HHLA1: variants seen among roughly 807,000 people sequenced by gnomAD.
HHLA1 encodes the protein HERV-H LTR-associating protein 1.
In HHLA1, 72 loss-of-function variants were observed where a neutral mutation model predicts 69.9. The ratio of observed to expected loss-of-function variants is 1.03; its 90% CI spans 0.85 to 1.25. HHLA1 has a LOEUF of 1.25. Among genes scored for constraint, HHLA1 ranks in the 50% most tolerant of loss-of-function variants. The pLI is 0.00. For missense variants in HHLA1, 685 were observed against 642.2 expected (o/e 1.07, Z -0.72); for synonymous variants, 252 against 233.2 (o/e 1.08, Z -0.73).
At chr8:132,065,073 T>G (rs555246109) in intron 16 of HHLA1, among the ~76,000 whole-genome samples, 3 of 152,054 alleles carry the variant, frequency 2.0e-5, no homozygotes, top group African/African-American at 7.3e-5. Context: ...GTAGATGGCA[T>G]GATAATGGCC....
chr8:132,069,925 A>G (rs4255121), intron 15 of HHLA1: 64,056 of 152,930 alleles, frequency 0.42, 15,375 homozygotes, highest in African/African-American at 0.64. Context: ...GTATTGTCGT[A>G]AAAGTTTTCT....
chr8:132,090,860 G>T (rs1009429124), intron 7 of HHLA1, among the ~76,000 whole-genome samples: 2 of 149,358 alleles, frequency 1.3e-5, no homozygotes, highest in Non-Finnish European at 3.0e-5. Flanking sequence ...CCAGGTTCAC[G>T]CCATTCTCCT....
At chr8:132,073,119 A>G (rs1262354577) in intron 14 of HHLA1, among the ~76,000 whole-genome samples, 1 of 152,152 alleles carries the variant, frequency 6.6e-6, no homozygotes, top group Non-Finnish European at 1.5e-5. Context: ...TTTCAAAATT[A>G]TAATTTAGCA....
At chr8:132,098,474 T>C (rs889562839) in intron 5 of HHLA1, among the ~76,000 whole-genome samples, 5 of 152,062 alleles carry the variant, frequency 3.3e-5, no homozygotes, top group Admixed American at 2.6e-4. Context: ...TTTGTTTTTG[T>C]TTTTTGAGGC....
chr8:132,078,194 A>G (rs963498964), intron 11 of HHLA1, among the ~76,000 whole-genome samples: 3 of 151,858 alleles, frequency 2.0e-5, no homozygotes, highest in African/African-American at 7.3e-5. Context: ...ACACACACAC[A>G]CACACACACA....
At chr8:132,083,152 T>C (rs1457581210) in intron 10 of HHLA1, among the ~76,000 whole-genome samples, 4 of 151,836 alleles carry the variant, frequency 2.6e-5, no homozygotes, top group African/African-American at 7.3e-5. Flanking sequence ...CAATGAGATA[T>C]AGCTGTAGTC....
chr8:132,066,116 C>G, intron 15 of HHLA1, 148 bp from the exon 16 acceptor site: 1 of 367,254 alleles, frequency 2.7e-6, no homozygotes, highest in Admixed American at 3.8e-5. Context: ...TAAAGGGTGT[C>G]AGAGGAGAGA....
At chr8:132,080,882 T>A (rs1364621681) in intron 10 of HHLA1, 6 of 151,934 alleles carry the variant, frequency 3.9e-5, no homozygotes, top group Non-Finnish European at 7.4e-5. Context: ...AGGGGTGATA[T>A]TGTGGGGATG....
chr8:132,062,414 G>T lies in HHLA1; in HGVS notation c.*1581C>A, dbSNP rs75455660. 6.6e-6 allele frequency: 1 copy of T among 152,202 alleles called. No individual in the cohort carries two copies. The highest frequency in any genetic ancestry group is 1.5e-5 in the Non-Finnish European group (1 of 68,060). The allele number at this position is 152,202 out of a possible 1,614,324, so 9.4% of individuals were successfully genotyped here. On this transcript the variant is annotated 3_prime_UTR_variant, in exon 17 of 17. Transcript: ENST00000414222. ...CACAGGAGTGCCAGGGAACTCAGGG[G>T]TCTTCCAATGGCAGAAACTGTTTTC...
rs190346135 is a variant in HHLA1, at chr8:132,105,419, G to A, written c.-21-133C>T. 8.7e-5 allele frequency: 56 copies of A among 644,240 alleles called. No individual in the cohort carries two copies. The East Asian group carries it at 1.1e-3, about 13-fold the overall frequency. The allele number at this position is 644,240 out of a possible 1,614,324, so 39.9% of individuals were successfully genotyped here. A position where few individuals can be genotyped will look rare whatever the true frequency, so the allele number is the denominator to read the frequency against. On this transcript the variant is annotated intron_variant, in intron 1 of 16. Coordinates refer to ENST00000414222, the MANE Select transcript of HHLA1 (RefSeq NM_001145095.3). ...GTACTAGGTTAGGAGAGGTTAGGAA[G>A]CTAAGGTAACAAATTAACTCCACAA... is the stretch of plus-strand genomic sequence containing the variant.
intron 10 of HHLA1, among the ~76,000 whole-genome samples, chr8:132,085,896 G>A (rs983113950): frequency 4.0e-5 from 6 of 151,584 alleles, no homozygotes; most frequent in Non-Finnish European, 5.9e-5. Flanking sequence ...GGTGGGGCAG[G>A]GCATATTCAC....
chr8:132,090,959 C>T (rs1823937582), intron 7 of HHLA1, among the ~76,000 whole-genome samples: 1 of 152,054 alleles, frequency 6.6e-6, no homozygotes, highest in African/African-American at 2.4e-5. Context: ...CAGGGTTTCA[C>T]CGTGTTAGCC....
At position 132,062,252 on chromosome 8, in the gene HHLA1, C is replaced by T. The variant is rs1321008687; in HGVS notation, c.*1743G>A. On this transcript the variant is annotated 3_prime_UTR_variant, in exon 17 of 17. Transcript: ENST00000414222. The stretch of plus-strand genomic sequence containing the variant: ...TGATAATATACATTTATGAGCTTGA[C>T]ATTTGCATAACTTGGAGAGTCTTTC... The T allele has an allele frequency of 6.6e-6, 1 of 152,168 alleles. No individual in the cohort carries two copies. Among genetic ancestry groups the T allele is most frequent in the African/African-American group, 2.4e-5 (1 of 41,436 alleles). The allele number at this position is 152,168 out of a possible 1,614,324, so 9.4% of individuals were successfully genotyped here. A position where few individuals can be genotyped will look rare whatever the true frequency, so the allele number is the denominator to read the frequency against.
In HHLA1 at chr8:132,064,053, G is replaced by A. The variant is rs1409228853; in HGVS notation, c.1553-15C>T. The A allele has an allele frequency of 3.8e-6, 5 of 1,300,656 alleles. No individual in the cohort carries two copies. Among genetic ancestry groups the A allele is most frequent in the Non-Finnish European group, 5.1e-6 (5 of 985,580 alleles). The allele number at this position is 1,300,656 out of a possible 1,614,324, so 80.6% of individuals were successfully genotyped here. ...TTGCTTTAAGGCTGAAAAAAAAGCA[G>A]AAGAAGAAGGAACTCAAGGTACTGA... On this transcript the variant is annotated splice_polypyrimidine_tract_variant and intron_variant, in intron 16 of 16. Coordinates refer to ENST00000414222, the MANE Select transcript of HHLA1 (RefSeq NM_001145095.3).
At chr8:132,105,311 A>C (rs927474058) in intron 1 of HHLA1, 25 bp from the exon 2 acceptor site, 25 of 1,416,546 alleles carry the variant, frequency 1.8e-5, no homozygotes, top group Non-Finnish European at 1.8e-5. Context: ...GCAAACACTT[A>C]GGAAACTAAG....
intron 14 of HHLA1, 31 bp downstream of exon 14, chr8:132,076,024 G>A (rs1054362748): frequency 2.7e-6 from 4 of 1,461,384 alleles, no homozygotes; most frequent in African/African-American, 2.8e-5. Flanking sequence ...ATAAACACAA[G>A]CAATAGTAAT....
intron 8 of HHLA1, among the ~76,000 whole-genome samples, chr8:132,088,692 T>C (rs1823899723): frequency 6.6e-6 from 1 of 152,170 alleles, no homozygotes; most frequent in African/African-American, 2.4e-5. Context: ...TTATATATAT[T>C]AGGATAGTGA....
At chr8:132,080,588 T>C (rs1823734788) in intron 10 of HHLA1, 1 of 169,180 alleles carries the variant, frequency 5.9e-6, no homozygotes, top group Non-Finnish European at 1.3e-5. Flanking sequence ...GCAGGGCATA[T>C]TCACTTCTTT....
intron 1 of HHLA1, 73 bp from the exon 2 acceptor site, chr8:132,105,359 A>T: frequency 1.1e-6 from 1 of 913,004 alleles, no homozygotes; most frequent in Non-Finnish European, 1.8e-6. Flanking sequence ...ACAGTGCGTG[A>T]GGAATCATTA....
Sources: gnomAD v4.1 joint callset for allele counts (sites outside exome capture counted in the v4.1 genomes callset) on GRCh38, gnomAD v4.1.1 for gene constraint, MANE v1.5 for transcripts, NCBI Gene and HGNC (gene_info 2026-07-23, HGNC 2026-07-21) for gene names.